Variants in AUTS2 observed in about 807,000 individuals in gnomAD.
AUTS2 encodes activator of transcription and developmental regulator AUTS2, also known as autism susceptibility gene 2 protein.
In AUTS2, 17 loss-of-function variants were observed where a neutral mutation model predicts 112.4. That is an observed-to-expected ratio of 0.15 (90% CI 0.10 to 0.23). AUTS2 has a LOEUF of 0.23. Ranked by LOEUF, AUTS2 falls within the 10% of genes least tolerant of loss-of-function variation. The probability of loss-of-function intolerance (pLI) is 1.00; values close to 1 mark genes in which losing one functional copy is unlikely to be tolerated. For synonymous variants in AUTS2, 751 were observed against 702.7 expected (o/e 1.07, Z -1.09); for missense variants, 1,510 against 1,701.6 (o/e 0.89, Z 1.98).
At chr7:70,242,523 C>T (rs1407903093) in intron 4 of AUTS2, among the ~76,000 whole-genome samples, 3 of 152,158 alleles carry the variant, frequency 2.0e-5, no homozygotes, top group African/African-American at 7.2e-5. Flanking sequence ...TATGAATACT[C>T]TTTGTGAAGT....
At chr7:70,774,742 T>C (rs1790578786) in intron 12 of AUTS2, 1 of 152,544 alleles carries the variant, frequency 6.6e-6, no homozygotes, top group African/African-American at 2.4e-5. Flanking sequence ...ATACGAAATA[T>C]GAAAAAATCT....
chr7:69,744,521 C>T (rs957792342), intron 1 of AUTS2, among the ~76,000 whole-genome samples: 6 of 151,984 alleles, frequency 3.9e-5, no homozygotes, highest in African/African-American at 1.4e-4. Flanking sequence ...TTTAGAGCAC[C>T]AAGACTCTTT....
intron 4 of AUTS2, among the ~76,000 whole-genome samples, chr7:70,340,758 C>A (rs1397934271): frequency 2.6e-5 from 4 of 152,210 alleles, no homozygotes; most frequent in African/African-American, 7.2e-5. Context: ...TATTTCATTC[C>A]ATCGAGAGAA....
chr7:70,767,071 T>A (rs1178893648), intron 9 of AUTS2, among the ~76,000 whole-genome samples: 1 of 152,204 alleles, frequency 6.6e-6, no homozygotes, highest in Non-Finnish European at 1.5e-5. Flanking sequence ...TGCTAAATAT[T>A]CTCAGATAGA....
chr7:70,018,878 A>T (rs953016962), intron 2 of AUTS2, among the ~76,000 whole-genome samples: 5 of 152,246 alleles, frequency 3.3e-5, no homozygotes, highest in African/African-American at 1.2e-4. Flanking sequence ...CTAAAAACAG[A>T]AATAACAGTC....
At chr7:69,848,190 T>C (rs1792297772) in intron 1 of AUTS2, among the ~76,000 whole-genome samples, 1 of 152,218 alleles carries the variant, frequency 6.6e-6, no homozygotes, top group Non-Finnish European at 1.5e-5. Context: ...ATTTTGTTTT[T>C]ACCTGAAAAT....
At chr7:69,878,411 T>C (rs1793899047) in intron 1 of AUTS2, among the ~76,000 whole-genome samples, 1 of 152,172 alleles carries the variant, frequency 6.6e-6, no homozygotes, top group Non-Finnish European at 1.5e-5. Context: ...TTAGACTAAA[T>C]GACAAGAACC....
chr7:70,147,783 G>C (rs915036374), intron 4 of AUTS2, among the ~76,000 whole-genome samples: 1 of 152,056 alleles, frequency 6.6e-6, no homozygotes, highest in South Asian at 2.1e-4. Context: ...AGGGTGGAAA[G>C]CCAAACCCAA....
At chr7:70,146,393 G>A (rs900306762) in intron 4 of AUTS2, among the ~76,000 whole-genome samples, 33 of 152,014 alleles carry the variant, frequency 2.2e-4, no homozygotes, top group Admixed American at 5.2e-4. Context: ...AATTAACATG[G>A]ATCTTATTAA....
intron 4 of AUTS2, among the ~76,000 whole-genome samples, chr7:70,175,631 C>G (rs1234868431): frequency 6.6e-6 from 1 of 152,152 alleles, no homozygotes; most frequent in Non-Finnish European, 1.5e-5. Flanking sequence ...TCTGATCAGT[C>G]AGCAACCATC....
intron 4 of AUTS2, among the ~76,000 whole-genome samples, chr7:70,323,859 G>A (rs1790367283): frequency 6.6e-6 from 1 of 152,170 alleles, no homozygotes; most frequent in South Asian, 2.1e-4. Flanking sequence ...TATTGACAGA[G>A]TTACAACAAC....
chr7:70,366,551 A>G (rs1294632637), intron 4 of AUTS2, among the ~76,000 whole-genome samples: 1 of 152,182 alleles, frequency 6.6e-6, no homozygotes, highest in Non-Finnish European at 1.5e-5. Context: ...TTAGGCCCCA[A>G]ATCCTCCAGA....
intron 2 of AUTS2, among the ~76,000 whole-genome samples, chr7:69,962,963 T>C (rs1341002888): frequency 6.6e-6 from 1 of 152,154 alleles, no homozygotes; most frequent in African/African-American, 2.4e-5. Flanking sequence ...TCAGACTCTC[T>C]TAAAAAGCAT....
intron 4 of AUTS2, among the ~76,000 whole-genome samples, chr7:70,413,093 G>A (rs1316226642): frequency 6.6e-6 from 1 of 152,242 alleles, no homozygotes; most frequent in East Asian, 1.9e-4. Context: ...GAGAGCTGAG[G>A]AACAGCTCCC....
intron 2 of AUTS2, among the ~76,000 whole-genome samples, chr7:70,017,260 A>G (rs942072076): frequency 6.6e-6 from 1 of 152,186 alleles, no homozygotes; most frequent in Non-Finnish European, 1.5e-5. Context: ...CCCATAATAC[A>G]TCTTTCTTTT....
chr7:70,470,856 T>A (rs2115875581), intron 5 of AUTS2, among the ~76,000 whole-genome samples: 1 of 152,226 alleles, frequency 6.6e-6, no homozygotes, highest in Non-Finnish European at 1.5e-5. Flanking sequence ...TGTCTAGTAG[T>A]CTGTGTCAGC....
intron 11 of AUTS2, among the ~76,000 whole-genome samples, chr7:70,773,744 A>G (rs914177757): frequency 6.6e-6 from 1 of 152,236 alleles, no homozygotes; most frequent in African/African-American, 2.4e-5. Flanking sequence ...CCAGGACAGC[A>G]TTTACGTTTG....
intron 2 of AUTS2, among the ~76,000 whole-genome samples, chr7:69,972,994 GT>G (rs1309206545): frequency 6.6e-6 from 1 of 151,846 alleles, no homozygotes; most frequent in Non-Finnish European, 1.5e-5. Flanking sequence ...TCTTTCCGGT[GT>G]TTTGATAAGA....
chr7:70,352,449 C>T (rs947196411), intron 4 of AUTS2, among the ~76,000 whole-genome samples: 3 of 151,912 alleles, frequency 2.0e-5, no homozygotes, highest in Admixed American at 1.3e-4. Flanking sequence ...TTCATTTGTG[C>T]CCATTTTAAT....
Sources: gnomAD v4.1 joint callset for allele counts (sites outside exome capture counted in the v4.1 genomes callset) on GRCh38, gnomAD v4.1.1 for gene constraint, MANE v1.5 for transcripts, NCBI Gene and HGNC (gene_info 2026-07-23, HGNC 2026-07-21) for gene names.